The following DOK6 variants were observed in gnomAD, a reference collection of about 807,000 sequenced individuals.
DOK6 encodes downstream of tyrosine kinase 6.
Under a neutral mutation model 44.0 loss-of-function variants are expected in DOK6, and 22 were observed. The observed-to-expected ratio is 0.50, with a 90% confidence interval of 0.36 to 0.71. The LOEUF (loss-of-function observed/expected upper bound fraction) is 0.71, where lower values mean the gene tolerates loss of function less well. Ranked by LOEUF, DOK6 falls within the 30% of genes least tolerant of loss-of-function variation. The pLI is 0.00. For synonymous variants in DOK6, 166 were observed against 145.5 expected (o/e 1.14, Z -1.01); for missense variants, 340 against 416.4 (o/e 0.82, Z 1.60).
At chr18:69,461,678 C>T (rs1044074823) in intron 1 of DOK6, among the ~76,000 whole-genome samples, 2 of 152,120 alleles carry the variant, frequency 1.3e-5, no homozygotes, top group African/African-American at 4.8e-5. Flanking sequence ...CTCTTTAAAC[C>T]TAATATTAAA....
intron 1 of DOK6, among the ~76,000 whole-genome samples, chr18:69,490,603 A>C (rs1490347995): frequency 6.6e-6 from 1 of 152,190 alleles, no homozygotes; most frequent in African/African-American, 2.4e-5. Flanking sequence ...CACTTAAAAA[A>C]ATCTTAAGAT....
chr18:69,657,758 C>T (rs1985406134), intron 3 of DOK6, among the ~76,000 whole-genome samples: 2 of 152,152 alleles, frequency 1.3e-5, no homozygotes, highest in Admixed American at 1.3e-4. Flanking sequence ...AATTCGTGAA[C>T]TTGATAGGAG....
At chr18:69,437,887 A>G (rs1979026873) in intron 1 of DOK6, among the ~76,000 whole-genome samples, 1 of 152,226 alleles carries the variant, frequency 6.6e-6, no homozygotes, top group African/African-American at 2.4e-5. Context: ...TGCATATAAA[A>G]GTCATGTTCA....
chr18:69,824,044 C>CT (rs200854579), intron 7 of DOK6, among the ~76,000 whole-genome samples: 1 of 83,004 alleles, frequency 1.2e-5, no homozygotes, highest in Non-Finnish European at 2.8e-5. Context: ...AGTTATTTTT[C>CT]TTTTTTTTTA....
chr18:69,835,791 T>G (rs987326164), intron 7 of DOK6, among the ~76,000 whole-genome samples: 6 of 152,198 alleles, frequency 3.9e-5, no homozygotes, highest in Non-Finnish European at 7.3e-5. Flanking sequence ...CTTTGTTATT[T>G]ATAGGGACAG....
rs1279843664 is a variant in DOK6, at chr18:69,462,209, A to G, written c.66+60899A>G. Among the ~76,000 whole-genome samples, 4 of 152,050 alleles carry G rather than the reference A, an allele frequency of 2.6e-5. 1 individual carries two copies. Among genetic ancestry groups the G allele is most frequent in the African/African-American group, 4.8e-5 (2 of 41,368 alleles). Reference sequence around the variant, plus strand: ...TATTTATTTGTCTGTATTTCCCTCTATCATAAGGTTTATGAAACCAAGCGC... The same window carrying G: ...TATTTATTTGTCTGTATTTCCCTCTGTCATAAGGTTTATGAAACCAAGCGC... On this transcript the variant is annotated intron_variant, in intron 1 of 7. Transcript: ENST00000382713.
Position 69,756,432 on chromosome 18 carries a change from AAAAG to A in DOK6, c.739-1318_739-1315del, listed in dbSNP as rs1979357295. Reference sequence around the variant, plus strand: ...GTTACCATTGGGAGCCATCTTTAAAAAAAGAAAGATACCTCAACAGTCCCAGACT... The same window carrying A: ...GTTACCATTGGGAGCCATCTTTAAAAAAAGATACCTCAACAGTCCCAGACT... On this transcript the variant is annotated intron_variant, in intron 6 of 7. Transcript: ENST00000382713. Among the ~76,000 whole-genome samples the A allele has an allele frequency of 1.3e-5, 2 of 152,234 alleles. 1 individual carries two copies. The highest frequency in any genetic ancestry group is 4.1e-4 in the South Asian group (2 of 4,828).
At chr18:69,617,059 G>T (rs1182380153) in intron 3 of DOK6, among the ~76,000 whole-genome samples, 1 of 150,344 alleles carries the variant, frequency 6.7e-6, no homozygotes, top group Non-Finnish European at 1.5e-5. Flanking sequence ...TTTACTTTTT[G>T]CCAACTTGTC....
At chr18:69,411,429 G>C (rs1231152579) in intron 1 of DOK6, among the ~76,000 whole-genome samples, 1 of 152,102 alleles carries the variant, frequency 6.6e-6, no homozygotes. Flanking sequence ...TCAGTATCTA[G>C]GAAAGGTACT....
chr18:69,410,005 TTAAG>T (rs1371921709), intron 1 of DOK6, among the ~76,000 whole-genome samples: 1 of 151,392 alleles, frequency 6.6e-6, no homozygotes, highest in Non-Finnish European at 1.5e-5. Context: ...TTTGGAATCC[TTAAG>T]TTTTAGCTAT....
At chr18:69,419,195 G>A (rs529875930) in intron 1 of DOK6, among the ~76,000 whole-genome samples, 104 of 152,188 alleles carry the variant, frequency 6.8e-4, no homozygotes, top group African/African-American at 2.2e-3. Flanking sequence ...AGAAGATAAA[G>A]TTCAATGCCT....
At position 69,684,346 on chromosome 18, in the gene DOK6, C is replaced by G. The variant is rs143743864; in HGVS notation, c.409+6493C>G. On this transcript the variant is annotated intron_variant, in intron 4 of 7. Transcript: ENST00000382713. ...TCTCACAATGTCAAATCTAAATGAT[C>G]CATTTGTTCATGTCTAACTGTACTG... 3.9e-5 allele frequency among the ~76,000 whole-genome samples: 6 copies of G among 152,238 alleles called. No homozygotes were observed. The East Asian group carries it at 1.2e-3, about 29-fold the overall frequency.
At chr18:69,484,837 G>C (rs1251968949) in intron 1 of DOK6, among the ~76,000 whole-genome samples, 1 of 152,004 alleles carries the variant, frequency 6.6e-6, no homozygotes, top group Admixed American at 6.6e-5. Flanking sequence ...TATTTAAATG[G>C]TGACATCGCC....
chr18:69,541,068 T>A (rs749683396), intron 1 of DOK6, among the ~76,000 whole-genome samples: 2 of 152,326 alleles, frequency 1.3e-5, no homozygotes, highest in South Asian at 4.1e-4. Flanking sequence ...ATGCATATCA[T>A]AACACTTTTC....
intron 3 of DOK6, among the ~76,000 whole-genome samples, chr18:69,607,122 T>C (rs1249023345): frequency 1.3e-5 from 2 of 152,172 alleles, no homozygotes; most frequent in Admixed American, 6.5e-5. Flanking sequence ...GTGTCACAGT[T>C]GCAGAACCCA....
chr18:69,679,947 CACACACACAACACACAT>C (rs1341988370), intron 4 of DOK6, among the ~76,000 whole-genome samples: 2 of 152,094 alleles, frequency 1.3e-5, no homozygotes, highest in African/African-American at 4.8e-5. Context: ...CACATACACA[CACACACACAACACACAT>C]ACACACACAA....
chr18:69,595,015 C>G (rs751224820), intron 2 of DOK6, among the ~76,000 whole-genome samples: 1 of 151,872 alleles, frequency 6.6e-6, no homozygotes, highest in Non-Finnish European at 1.5e-5. Flanking sequence ...TACAATACCT[C>G]AAAAAATAAA....
rs552992809 is a variant in DOK6, at chr18:69,835,653, T to C, written c.857-5591T>C. Among the ~76,000 whole-genome samples the C allele has an allele frequency of 3.9e-5, 6 of 152,292 alleles. 1 individual carries two copies. The highest frequency in any genetic ancestry group is 1.4e-4 in the African/African-American group (6 of 41,554). On this transcript the variant is annotated intron_variant, in intron 7 of 7. Transcript: ENST00000382713. ...CTTTTTTCTCTAATGGCTAGAAGCTTACTTGTTAAAGGATGACAGCGTCTC... is the reference window on the plus strand; with the variant it reads ...CTTTTTTCTCTAATGGCTAGAAGCTCACTTGTTAAAGGATGACAGCGTCTC...
intron 2 of DOK6, among the ~76,000 whole-genome samples, chr18:69,579,539 C>G (rs1468442918): frequency 1.3e-5 from 2 of 151,310 alleles, no homozygotes; most frequent in Non-Finnish European, 2.9e-5. Flanking sequence ...TTGTCCAACT[C>G]TCCGAAGGTG....
Sources: allele counts gnomAD v4.1 joint callset (sites outside exome capture counted in the v4.1 genomes callset), GRCh38; gene constraint gnomAD v4.1.1; transcripts MANE v1.5; gene names NCBI Gene and HGNC (gene_info 2026-07-23, HGNC 2026-07-21).